CORO1A: variants seen among roughly 807,000 people sequenced by gnomAD.
CORO1A encodes coronin-1A.
CORO1A carries 17 observed loss-of-function variants against 44.1 expected under a neutral mutation model. The observed-to-expected ratio is 0.39, with a 90% CI of 0.26 to 0.58. The LOEUF (loss-of-function observed/expected upper bound fraction) is 0.58. Among genes scored for constraint, CORO1A ranks in the 20% least tolerant of loss-of-function variants. The probability of loss-of-function intolerance (pLI) is 0.62; values close to 1 mark genes in which losing one functional copy is unlikely to be tolerated. For missense variants in CORO1A, 415 were observed against 606.5 expected (o/e 0.68, Z 3.32); for synonymous variants, 271 against 244.2 (o/e 1.11, Z -1.02).
At position 30,187,226 on chromosome 16, in the gene CORO1A, G is replaced by A. The variant is rs2073349993; in HGVS notation, c.636+3G>A. The A allele has an allele frequency of 6.2e-7, 1 of 1,611,368 alleles. No homozygotes were observed. The highest frequency in any genetic ancestry group is 1.7e-5 in the Admixed American group (1 of 60,010). ...CCCGCAAAGGCACTGTCGTAGCTGT[G>A]AGTCGCCATCTACCCTGACCTTTGA... On this transcript the variant is annotated splice_donor_region_variant and intron_variant, in intron 5 of 10. Transcript: ENST00000219150.
At position 30,184,980 on chromosome 16, in the gene CORO1A, G is replaced by A. The variant is rs1418555111; in HGVS notation, c.-1-229G>A. 6.5e-6 allele frequency: 4 copies of A among 611,820 alleles called. No homozygotes were observed. The highest frequency in any genetic ancestry group is 1.2e-5 in the Non-Finnish European group (4 of 341,760). 37.9% of individuals were successfully genotyped at this position (611,820 alleles called of 1,614,324 possible). A position where few individuals can be genotyped will look rare whatever the true frequency, so the allele number is the denominator to read the frequency against. ...GAGGCTGAGGGTACAGATTGAGAGG[G>A]TGGCTCAGAGTGGCCTGGGGCCAGG... On this transcript the variant is annotated intron_variant, in intron 1 of 10. Coordinates refer to ENST00000219150, the MANE Select transcript of CORO1A (RefSeq NM_007074.4). This position sits in a 1 kb window ranked among gnomAD's most constrained non-coding sequence, Gnocchi z 4.3.
chr16:30,186,864 G>C lies in CORO1A; in HGVS notation c.370G>C (p.Val124Leu), dbSNP rs775411755. The C allele has an allele frequency of 6.2e-7, 1 of 1,611,932 alleles. No homozygotes were observed. The highest frequency in any genetic ancestry group is 1.1e-5 in the South Asian group (1 of 91,088). ...GGLMLPLREP[V>L]VTLEGHTKRV... is the part of the protein sequence containing the mutation. ...CCTGATGCTGCCCCTGCGGGAGCCC[G>C]TCGTCACCCTGGAGGGCCACACCAA... The change falls in exon 4 of 11, where the codon GTC (valine) becomes CTC (leucine). Residue 124 changes from valine to leucine, a missense_variant. Physicochemically the swap from Val to Leu is conservative, Grantham distance 32. Coordinates refer to ENST00000219150, the MANE Select transcript of CORO1A (RefSeq NM_007074.4).
intron 1 of CORO1A, 47 bp from the exon 2 acceptor site, chr16:30,185,162 C>T: frequency 6.3e-7 from 1 of 1,591,970 alleles, no homozygotes; most frequent in South Asian, 1.1e-5. Flanking sequence ...ACTGGAAGAT[C>T]AGAGTTGACC....
Position 30,186,372 on chromosome 16 carries a change from C to T in CORO1A, c.199-226C>T, listed in dbSNP as rs529772138. 482 of 573,616 alleles carry T rather than the reference C, an allele frequency of 8.4e-4. 2 individuals are homozygous for T. Among genetic ancestry groups the T allele is most frequent in the African/African-American group, 7.1e-3 (384 of 53,766 alleles). 35.5% of individuals were successfully genotyped at this position (573,616 alleles called of 1,614,324 possible). On this transcript the variant is annotated intron_variant, in intron 2 of 10. Coordinates refer to ENST00000219150, the MANE Select transcript of CORO1A (RefSeq NM_007074.4). ...GCGGGAACTCTGCCAGGGTCTTGCA[C>T]GGCCCCCAACCTCTGCCATGCGTGG...
intron 5 of CORO1A, 52 bp downstream of exon 5, chr16:30,187,275 TCCA>T (rs2073351101): frequency 6.2e-7 from 1 of 1,605,350 alleles, no homozygotes; most frequent in Non-Finnish European, 8.5e-7. Context: ...ATCCTTCTTA[TCCA>T]CCATCAGCCA....
chr16:30,188,984 C>G lies in CORO1A; in HGVS notation c.*20C>G. On this transcript the variant is annotated 3_prime_UTR_variant, in exon 11 of 11. Coordinates refer to ENST00000219150, the MANE Select transcript of CORO1A (RefSeq NM_007074.4). ...AAGTAGAGCCCCGCAGGGCCTCCAG[C>G]AGGGTCAGCCATTCACACCCATCCA... 1.4e-5 allele frequency: 3 copies of G among 208,910 alleles called. No individual in the cohort carries two copies. Among genetic ancestry groups the G allele is most frequent in the Non-Finnish European group, 2.5e-5 (3 of 119,148 alleles). 12.9% of individuals were successfully genotyped at this position (208,910 alleles called of 1,614,324 possible).
chr16:30,187,911 T>C, intron 7 of CORO1A, 31 bp from the exon 8 acceptor site: 1 of 1,613,462 alleles, frequency 6.2e-7, no homozygotes, highest in South Asian at 1.1e-5. Context: ...TCCGCTGGTA[T>C]TGACCCTCCC....
Position 30,188,478 on chromosome 16 carries a change from G to A in CORO1A, c.1183G>A (p.Gly395Ser). The A allele has an allele frequency of 3.7e-6, 6 of 1,613,368 alleles. No individual in the cohort carries two copies. The highest frequency in any genetic ancestry group is 5.1e-6 in the Non-Finnish European group (6 of 1,179,998). Residue 395 changes from glycine to serine, a missense_variant, in exon 10 of 11, where the codon GGC (glycine) becomes AGC (serine). This residue lies in a region of CORO1A where 90 missense variants were observed against 84.7 expected (regional missense o/e 1.06). Transcript: ENST00000219150. ...GCCCCTCCTCATCTCCCTCAAGGAT[G>A]GCTACGTACCCCCAAAGAGCCGGGA... The part of the protein sequence containing the change: ...AGPLLISLKD[G>S]YVPPKSRELR...
Position 30,187,430 on chromosome 16 carries a change from G to C in CORO1A, c.685G>C (p.Val229Leu), listed in dbSNP as rs757965812. 1.7e-5 allele frequency: 27 copies of C among 1,610,894 alleles called. No individual in the cohort carries two copies. The Admixed American group carries it at 2.7e-4, about 16-fold the overall frequency. Residue 229 changes from valine (V) to leucine (L), a missense_variant, in exon 6 of 11, where the codon GTG (valine) becomes CTG (leucine). By Grantham distance (32) the Val-to-Leu change is conservative (BLOSUM62 1). This residue lies in a region of CORO1A where 325 missense variants were observed against 521.7 expected (regional missense o/e 0.62). Transcript: ENST00000219150. ...GACCCGGCCCGTGCGTGCAGTGTTC[G>C]TGTCGGAGGGGAAGATCCTGACCAC... ...EGTRPVRAVF[V>L]SEGKILTTGF...
Position 30,188,094 on chromosome 16 carries a change from G to C in CORO1A, c.1007+7G>C, listed in dbSNP as rs2073364647. The C allele has an allele frequency of 1.2e-6, 2 of 1,613,520 alleles. No individual in the cohort carries two copies. Among genetic ancestry groups the C allele is most frequent in the African/African-American group, 2.7e-5 (2 of 74,936 alleles). Reference sequence around the variant, plus strand: ...ACAAGTGTGAGATCGCCAGGTGACTGACCCCCGGCCCTGACCGCAGCATGC... The same window carrying C: ...ACAAGTGTGAGATCGCCAGGTGACTCACCCCCGGCCCTGACCGCAGCATGC... On this transcript the variant is annotated splice_region_variant and intron_variant, in intron 8 of 10. Coordinates refer to ENST00000219150, the MANE Select transcript of CORO1A (RefSeq NM_007074.4).
chr16:30,188,420 G>C lies in CORO1A; in HGVS notation c.1125G>C (p.Thr375=), dbSNP rs774230354. ...CCGCAGGGCCCGACCCTGCCCTCAC[G>C]GCTGAGGAGTGGCTGGGGGGTCGGG... is the stretch of plus-strand genomic sequence containing the variant. ...PPTAGPDPAL[T]AEEWLGGRDA... Residue 375 remains threonine, a synonymous_variant, in exon 10 of 11, where the codon ACG becomes ACC. Coordinates refer to ENST00000219150, the MANE Select transcript of CORO1A (RefSeq NM_007074.4). 1 of 1,613,748 alleles carries C rather than the reference G, an allele frequency of 6.2e-7. No individual in the cohort carries two copies. Among genetic ancestry groups the C allele is most frequent in the Non-Finnish European group, 8.5e-7 (1 of 1,180,012 alleles).
At chr16:30,186,528 A>C in intron 2 of CORO1A, 70 bp from the exon 3 acceptor site, 1 of 1,591,922 alleles carries the variant, frequency 6.3e-7, no homozygotes, top group Non-Finnish European at 8.6e-7. Context: ...GGCCTCTCTG[A>C]AGGAGGTGTG....
chr16:30,185,165 A>T, intron 1 of CORO1A, 44 bp from the exon 2 acceptor site: 1 of 1,596,250 alleles, frequency 6.3e-7, no homozygotes, highest in East Asian at 2.2e-5. Context: ...GGAAGATCAG[A>T]GTTGACCTGA....
At chr16:30,188,296 T>C in intron 9 of CORO1A, 47 bp downstream of exon 9, 1 of 1,612,520 alleles carries the variant, frequency 6.2e-7, no homozygotes, top group Non-Finnish European at 8.5e-7. Context: ...GGCACTGACT[T>C]TGCGGTCTTG....
rs1206523159 is a variant in CORO1A at position 30,188,500 on chromosome 16, G to A, written c.1205G>A (p.Arg402Gln). Reference sequence around the variant, plus strand: ...GATGGCTACGTACCCCCAAAGAGCCGGGAGCTGAGGGTCAACCGGGGCCTG... The same window carrying A: ...GATGGCTACGTACCCCCAAAGAGCCAGGAGCTGAGGGTCAACCGGGGCCTG... ...LKDGYVPPKS[R>Q]ELRVNRGLDT... Residue 402 changes from arginine to glutamine, a missense_variant, in exon 10 of 11, where the codon CGG becomes CAG. By Grantham distance (43) the Arg-to-Gln change is conservative. Transcript: ENST00000219150. The A allele has an allele frequency of 6.2e-6, 10 of 1,612,934 alleles. No individual in the cohort carries two copies. Among genetic ancestry groups the A allele is most frequent in the African/African-American group, 5.3e-5 (4 of 74,858 alleles).
In CORO1A at chr16:30,185,372, G is replaced by T. The variant is rs867952091; in HGVS notation, c.163G>T (p.Gly55Trp). Reference sequence around the variant, plus strand: ...TGTGGCCCTGATCTGTGAGGCCAGCGGGGGAGGGGCCTTCCTGGTGCTGCC... The same window carrying T: ...TGTGGCCCTGATCTGTGAGGCCAGCTGGGGAGGGGCCTTCCTGGTGCTGCC... ...KFVALICEAS[G>W]GGAFLVLPLG... Residue 55 changes from glycine to tryptophan, a missense_variant, in exon 2 of 11, where the codon GGG becomes TGG. Around this residue, in one of 2 missense-constraint regions of CORO1A, gnomAD observed 325 missense variants for 521.7 expected, o/e 0.62. Coordinates refer to ENST00000219150, the MANE Select transcript of CORO1A (RefSeq NM_007074.4). 1.2e-6 allele frequency: 2 copies of T among 1,614,010 alleles called. No homozygotes were observed. The highest frequency in any genetic ancestry group is 1.7e-5 in the Admixed American group (1 of 60,018).
intron 3 of CORO1A, 42 bp from the exon 4 acceptor site, chr16:30,186,774 G>A (rs745603990): frequency 6.2e-7 from 1 of 1,609,274 alleles, no homozygotes; most frequent in Non-Finnish European, 8.5e-7. Flanking sequence ...GATGGGATCT[G>A]ACATTTGGAG....
In CORO1A at chr16:30,187,979, A is replaced by G. The variant is rs776148815; in HGVS notation, c.899A>G (p.Glu300Gly). 1 of 1,614,016 alleles carries G rather than the reference A, an allele frequency of 6.2e-7. No individual in the cohort carries two copies. The change falls in exon 8 of 11, where the codon GAG becomes GGG. Residue 300 changes from glutamate (E) to glycine (G), a missense_variant. Glu to Gly is a moderately conservative substitution (Grantham distance 98). Around this residue, in one of 2 missense-constraint regions of CORO1A, gnomAD observed 325 missense variants for 521.7 expected, o/e 0.62. Transcript: ENST00000219150. The part of the protein sequence containing the change: ...SSIRYFEITS[E>G]APFLHYLSMF... ...ATCCGGTACTTTGAGATCACTTCCGAGGCCCCTTTCCTGCACTATCTCTCC... is the reference window on the plus strand; with the variant it reads ...ATCCGGTACTTTGAGATCACTTCCGGGGCCCCTTTCCTGCACTATCTCTCC...
chr16:30,186,423 C>A, intron 2 of CORO1A, 175 bp from the exon 3 acceptor site: 1 of 738,496 alleles, frequency 1.4e-6, no homozygotes, highest in Non-Finnish European at 2.3e-6. Context: ...TTTGCCCAGG[C>A]CATTTTGGGA....
Sources: gnomAD v4.1 joint callset for allele counts on GRCh38, gnomAD v4.1.1 for gene constraint, gnomAD v4.1.1 regional missense constraint, Gnocchi (gnomAD v3.1) non-coding constraint, MANE v1.5 for transcripts, NCBI Gene and HGNC (gene_info 2026-07-23, HGNC 2026-07-21) for gene names.